The following DCDC1 variants were observed in gnomAD, a reference collection of about 807,000 sequenced individuals.
DCDC1 encodes the protein doublecortin domain containing 1.
A neutral mutation model predicts 178.3 loss-of-function variants in DCDC1; 200 were observed. The observed-to-expected ratio is 1.12, with a 90% CI of 1.00 to 1.26. The LOEUF is 1.26. Among genes scored for constraint, DCDC1 ranks in the 50% most tolerant of loss-of-function variants. The pLI is 0.00. For missense variants in DCDC1, 1,983 were observed against 1,749.2 expected (o/e 1.13, Z -2.38); for synonymous variants, 690 against 604.8 (o/e 1.14, Z -2.07).
intron 18 of DCDC1, among the ~76,000 whole-genome samples, chr11:31,073,841 T>C (rs1316478418): frequency 6.6e-6 from 1 of 152,230 alleles, no homozygotes; most frequent in African/African-American, 2.4e-5. Context: ...TTTTAGCTGG[T>C]GTACCAACAA....
chr11:31,328,287 C>A lies in DCDC1; in HGVS notation c.-6-1G>T. 1.9e-6 allele frequency: 3 copies of A among 1,548,926 alleles called. No individual in the cohort carries two copies. The highest frequency in any genetic ancestry group is 1.7e-6 in the Non-Finnish European group (2 of 1,144,034). Reference sequence around the variant, plus strand: ...CTGCTCCTGTTTTTGCCATTTTCAGCTAAAAATGATAAAGAATGTTATTTA... The same window carrying A: ...CTGCTCCTGTTTTTGCCATTTTCAGATAAAAATGATAAAGAATGTTATTTA... On this transcript the variant is annotated splice_acceptor_variant, in intron 2 of 38. Coordinates refer to ENST00000684477, the MANE Select transcript of DCDC1 (RefSeq NM_001387274.1). LOFTEE classifies it low-confidence loss of function (5UTR_SPLICE).
intron 37 of DCDC1, among the ~76,000 whole-genome samples, chr11:30,879,760 G>C (rs1347236251): frequency 6.6e-6 from 1 of 152,082 alleles, no homozygotes; most frequent in African/African-American, 2.4e-5. Context: ...TTTTATTGTT[G>C]ACAAGCTTGT....
chr11:31,158,871 T>A (rs1361692314), intron 9 of DCDC1, among the ~76,000 whole-genome samples: 1 of 152,102 alleles, frequency 6.6e-6, no homozygotes, highest in Admixed American at 6.6e-5. Context: ...TCAAAAAATA[T>A]ACAAAACAGT....
intron 20 of DCDC1, among the ~76,000 whole-genome samples, chr11:30,952,921 AG>A (rs1349945376): frequency 6.6e-6 from 1 of 152,152 alleles, no homozygotes; most frequent in Non-Finnish European, 1.5e-5. Context: ...AAGAGAAGTT[AG>A]CTGACATACA....
intron 20 of DCDC1, among the ~76,000 whole-genome samples, chr11:31,011,578 T>A (rs1952168247): frequency 6.6e-6 from 1 of 152,222 alleles, no homozygotes; most frequent in Non-Finnish European, 1.5e-5. Flanking sequence ...AAGTACCATT[T>A]TAAATCCATC....
At chr11:31,022,862 T>A (rs558718423) in intron 20 of DCDC1, among the ~76,000 whole-genome samples, 11 of 152,194 alleles carry the variant, frequency 7.2e-5, no homozygotes, top group African/African-American at 2.6e-4. Flanking sequence ...TTATTTGGAT[T>A]GTTACTAGAC....
chr11:31,230,292 G>T (rs895364857), intron 9 of DCDC1, among the ~76,000 whole-genome samples: 14 of 151,560 alleles, frequency 9.2e-5, no homozygotes. Flanking sequence ...ATGGGTAAAT[G>T]GGTGAATGTA....
At chr11:30,912,477 T>A (rs559313058) in intron 27 of DCDC1, among the ~76,000 whole-genome samples, 1 of 152,124 alleles carries the variant, frequency 6.6e-6, no homozygotes, top group Admixed American at 6.5e-5. Flanking sequence ...AGAGACGGGG[T>A]TTCACCATGT....
chr11:30,942,612 A>G (rs895070744), intron 21 of DCDC1, among the ~76,000 whole-genome samples: 5 of 152,198 alleles, frequency 3.3e-5, no homozygotes, highest in African/African-American at 1.2e-4. Flanking sequence ...CAAGTATGCT[A>G]TATTTCTGAT....
intron 9 of DCDC1, among the ~76,000 whole-genome samples, chr11:31,214,050 T>TA (rs1973214265): frequency 6.6e-6 from 1 of 152,164 alleles, no homozygotes. Context: ...AAAAGATCAT[T>TA]AATTCACTTA....
At chr11:31,005,717 C>A (rs1055836474) in intron 20 of DCDC1, among the ~76,000 whole-genome samples, 2 of 152,088 alleles carry the variant, frequency 1.3e-5, no homozygotes, top group South Asian at 4.1e-4. Flanking sequence ...ATAGTCTCTT[C>A]AGCCTTCACC....
chr11:31,240,840 A>C (rs979910653), intron 9 of DCDC1, among the ~76,000 whole-genome samples: 3 of 152,054 alleles, frequency 2.0e-5, no homozygotes, highest in African/African-American at 7.2e-5. Flanking sequence ...GTCCCTATAC[A>C]TGATTATAAA....
intron 20 of DCDC1, among the ~76,000 whole-genome samples, chr11:31,028,869 T>C (rs1953433600): frequency 6.6e-6 from 1 of 151,918 alleles, no homozygotes; most frequent in South Asian, 2.1e-4. Flanking sequence ...AGTTGGAGAT[T>C]AATTAACATT....
chr11:30,937,551 A>G (rs149018009), intron 21 of DCDC1, among the ~76,000 whole-genome samples: 44 of 152,208 alleles, frequency 2.9e-4, no homozygotes, highest in Non-Finnish European at 5.1e-4. Flanking sequence ...GTCGAAATCT[A>G]TCATTCCCTC....
chr11:31,303,381 A>T (rs117256279), intron 6 of DCDC1, among the ~76,000 whole-genome samples: 4 of 152,326 alleles, frequency 2.6e-5, no homozygotes, highest in African/African-American at 4.8e-5. Context: ...ATTTACCTTT[A>T]GCATGTTCAA....
intron 32 of DCDC1, 84 bp from the exon 33 acceptor site, chr11:30,900,582 T>C: frequency 1.6e-6 from 2 of 1,226,654 alleles, no homozygotes; most frequent in South Asian, 2.7e-5. Context: ...CAAAATATTT[T>C]ATTATTCATT....
intron 9 of DCDC1, among the ~76,000 whole-genome samples, chr11:31,193,323 G>T (rs187102601): frequency 6.6e-6 from 1 of 152,078 alleles, no homozygotes. Flanking sequence ...CTAAACTACA[G>T]GTTAAGTATC....
At chr11:31,176,553 T>TTCCCA (rs1968056581) in intron 9 of DCDC1, among the ~76,000 whole-genome samples, 1 of 152,012 alleles carries the variant, frequency 6.6e-6, no homozygotes, top group African/African-American at 2.4e-5. Flanking sequence ...AGCCCAAAGG[T>TTCCCA]TCCCAATTAT....
At chr11:31,030,919 C>A (rs1953583308) in intron 20 of DCDC1, among the ~76,000 whole-genome samples, 1 of 151,308 alleles carries the variant, frequency 6.6e-6, no homozygotes. Context: ...ACAGAGGAAA[C>A]CACACTTATA....
Sources: allele counts gnomAD v4.1 joint callset (sites outside exome capture counted in the v4.1 genomes callset), GRCh38; gene constraint gnomAD v4.1.1; transcripts MANE v1.5; gene names NCBI Gene and HGNC (gene_info 2026-07-23, HGNC 2026-07-21).